Variants in ABCC8 observed in about 807,000 individuals in gnomAD.
ABCC8 encodes ATP binding cassette subfamily C member 8, also known as ATP-binding cassette sub-family C member 8.
In ABCC8, 137 loss-of-function variants were observed where a neutral mutation model predicts 188.0. The observed-to-expected ratio is 0.73, with a 90% CI of 0.63 to 0.84. ABCC8 has a LOEUF of 0.84. Ranked by LOEUF, ABCC8 falls within the 40% of genes least tolerant of loss-of-function variation. The pLI, the probability that ABCC8 is intolerant of heterozygous loss-of-function variation, is 0.00. For synonymous variants in ABCC8, 797 were observed against 846.5 expected (o/e 0.94, Z 1.01); for missense variants, 1,750 against 2,072.7 (o/e 0.84, Z 3.02).
intron 28 of ABCC8, 150 bp from the exon 29 acceptor site, chr11:17,402,903 T>C (rs1474208196): frequency 1.1e-6 from 1 of 908,042 alleles, no homozygotes; most frequent in African/African-American, 1.6e-5. Flanking sequence ...GGGAAGACAA[T>C]GCCACCAGCC....
At chr11:17,458,372 T>G (rs1218047527) in intron 6 of ABCC8, among the ~76,000 whole-genome samples, 1 of 152,276 alleles carries the variant, frequency 6.6e-6, no homozygotes, top group Non-Finnish European at 1.5e-5. Context: ...AACGTTCAGA[T>G]GAACTAAAAT....
At chr11:17,461,527 C>T in intron 5 of ABCC8, 56 bp downstream of exon 5, 1 of 1,609,616 alleles carries the variant, frequency 6.2e-7, no homozygotes, top group South Asian at 1.1e-5. Flanking sequence ...AGGTCCCTCT[C>T]TGTGACCCTA....
intron 4 of ABCC8, among the ~76,000 whole-genome samples, chr11:17,462,304 T>C (rs1053127888): frequency 6.6e-6 from 1 of 152,138 alleles, no homozygotes; most frequent in African/African-American, 2.4e-5. Flanking sequence ...CCTGTGAGGG[T>C]CACTGGATGG....
chr11:17,435,771 C>T, intron 10 of ABCC8: 2 of 1,346,276 alleles, frequency 1.5e-6, no homozygotes, highest in East Asian at 4.6e-5. Context: ...TTCCTAGGTC[C>T]CACATCAAGT....
intron 3 of ABCC8, among the ~76,000 whole-genome samples, chr11:17,465,132 G>A (rs922161214): frequency 6.6e-6 from 1 of 152,194 alleles, no homozygotes; most frequent in African/African-American, 2.4e-5. Context: ...CTGCTCTCAT[G>A]CCTCAGGACT....
chr11:17,467,156 C>T (rs7120682), intron 3 of ABCC8, among the ~76,000 whole-genome samples: 47,022 of 150,000 alleles, frequency 0.31, 7,585 homozygotes, highest in Middle Eastern at 0.44. Context: ...CGGTGGCTCA[C>T]GGCTGTAATC....
At chr11:17,448,953 G>T (rs1956651022) in intron 7 of ABCC8, among the ~76,000 whole-genome samples, 1 of 152,150 alleles carries the variant, frequency 6.6e-6, no homozygotes, top group African/African-American at 2.4e-5. Context: ...TAGAGACAGA[G>T]TCTCGCTCTG....
At chr11:17,416,794 G>GC in intron 17 of ABCC8, 136 bp downstream of exon 17, 1 of 1,350,872 alleles carries the variant, frequency 7.4e-7, no homozygotes, top group Non-Finnish European at 1.0e-6. Flanking sequence ...GCAGGCCTTA[G>GC]CCCCATGTCT....
At chr11:17,476,597 C>T (rs1347307724) in intron 1 of ABCC8, 32 bp downstream of exon 1, 1 of 1,606,666 alleles carries the variant, frequency 6.2e-7, no homozygotes, top group African/African-American at 1.3e-5. Flanking sequence ...GCTCTCCCGT[C>T]CCCTCCTCCG....
chr11:17,476,546 CGCCGAGCGGTGCG>C, intron 1 of ABCC8, 70 bp downstream of exon 1: 1 of 1,522,650 alleles, frequency 6.6e-7, no homozygotes, highest in Non-Finnish European at 8.9e-7. Context: ...CGGAAGGGGA[CGCCGAGCGGTGCG>C]GCGCGCAGCG....
Position 17,393,634 on chromosome 11 carries a change from C to T in ABCC8, c.4608+63G>A, listed in dbSNP as rs571126774. The T allele has an allele frequency of 5.3e-5, 85 of 1,608,326 alleles. 1 individual carries two copies. The highest frequency in any genetic ancestry group is 4.6e-4 in the South Asian group (42 of 90,946). On this transcript the variant is annotated intron_variant, in intron 38 of 38. Coordinates refer to ENST00000389817, the MANE Select transcript of ABCC8 (RefSeq NM_000352.6). The stretch of plus-strand genomic sequence containing the variant: ...AAGCCCAGGGGCTGTGCACTGATGA[C>T]GGCCACAACAGGCCAGTCCTGTCCC...
In ABCC8 at chr11:17,410,714, C is replaced by T. The variant is rs879166722; in HGVS notation, c.2557-61G>A. 8.7e-6 allele frequency: 14 copies of T among 1,608,660 alleles called. No homozygotes were observed. In the South Asian group the frequency reaches 1.4e-4, roughly 17 times the overall value. ...GGAAAGGCATGGTGGGGAGGGGTGA[C>T]AATGAGTATAAAACCCATTAGAGTT... On this transcript the variant is annotated intron_variant, in intron 21 of 38. Transcript: ENST00000389817.
intron 8 of ABCC8, chr11:17,444,419 C>T (rs1956443440): frequency 6.6e-6 from 1 of 152,170 alleles, no homozygotes; most frequent in South Asian, 2.1e-4. Flanking sequence ...CAAGAAGGCT[C>T]CCATGGCACC....
At chr11:17,450,257 T>C (rs979163493) in intron 7 of ABCC8, among the ~76,000 whole-genome samples, 4 of 52,042 alleles carry the variant, frequency 7.7e-5, no homozygotes, top group African/African-American at 3.0e-4. Context: ...TCTTTCTTTC[T>C]TTCTCTTTCT....
Position 17,397,186 on chromosome 11 carries a change from C to G in ABCC8, c.3988+7G>C. On this transcript the variant is annotated splice_region_variant and intron_variant, in intron 32 of 38. Coordinates refer to ENST00000389817, the MANE Select transcript of ABCC8 (RefSeq NM_000352.6). ...CTCTTCCCCACCCCTCTCCCTGAGCCTCTCACCCAGGAGCCCCTCGTAGCT... is the reference window on the plus strand; with the variant it reads ...CTCTTCCCCACCCCTCTCCCTGAGCGTCTCACCCAGGAGCCCCTCGTAGCT... 6.2e-7 allele frequency: 1 copy of G among 1,613,686 alleles called. No individual in the cohort carries two copies. The highest frequency in any genetic ancestry group is 8.5e-7 in the Non-Finnish European group (1 of 1,180,008).
intron 8 of ABCC8, chr11:17,444,282 C>T (rs1197824136): frequency 6.6e-6 from 1 of 152,186 alleles, no homozygotes; most frequent in Admixed American, 6.5e-5. Flanking sequence ...GATGAAGTAC[C>T]CTCTTCCCTG....
At chr11:17,403,307 A>G (rs948837995) in intron 28 of ABCC8, among the ~76,000 whole-genome samples, 1 of 152,240 alleles carries the variant, frequency 6.6e-6, no homozygotes, top group African/African-American at 2.4e-5. Flanking sequence ...CACCTCGACA[A>G]GCACATCAGT....
intron 11 of ABCC8, among the ~76,000 whole-genome samples, chr11:17,431,460 AT>A (rs1456075963): frequency 6.6e-6 from 1 of 152,236 alleles, no homozygotes; most frequent in African/African-American, 2.4e-5. Flanking sequence ...TCCCAAGTGT[AT>A]CCGACAGGCT....
At chr11:17,423,922 C>T (rs1459402672) in intron 16 of ABCC8, among the ~76,000 whole-genome samples, 1 of 152,210 alleles carries the variant, frequency 6.6e-6, no homozygotes, top group Non-Finnish European at 1.5e-5. Flanking sequence ...AGCTGGGTGG[C>T]CTTGGACAAC....
Sources: gnomAD v4.1 joint callset for allele counts (sites outside exome capture counted in the v4.1 genomes callset) on GRCh38, gnomAD v4.1.1 for gene constraint, MANE v1.5 for transcripts, NCBI Gene and HGNC (gene_info 2026-07-23, HGNC 2026-07-21) for gene names.